The following COX11 variants were observed in gnomAD, a reference collection of about 807,000 sequenced individuals.
The protein encoded by COX11 is cytochrome c oxidase assembly protein COX11, mitochondrial.
Under a neutral mutation model 29.4 loss-of-function variants are expected in COX11, and 18 were observed. The observed-to-expected ratio is 0.61, with a 90% CI of 0.42 to 0.91. The LOEUF (loss-of-function observed/expected upper bound fraction) is 0.91, where lower values mean the gene tolerates loss of function less well. Ranked by LOEUF, COX11 falls within the 40% of genes least tolerant of loss-of-function variation. The pLI, the probability that COX11 is intolerant of heterozygous loss-of-function variation, is 0.00. For missense variants in COX11, 312 were observed against 346.0 expected, an observed-to-expected ratio of 0.90 and a Z score of 0.78; for synonymous variants, 131 against 124.0, an observed-to-expected ratio of 1.06 and a Z score of -0.38.
chr17:54,953,312 T>G (rs117406324), exon 1 of COX11: 1,583 of 152,466 alleles, frequency 0.01, 11 homozygotes, highest in Non-Finnish European at 0.017. Flanking sequence ...GAGGCGGCAG[T>G]GCGCCATGAT....
downstream of COX11, chr17:54,959,365 C>T (rs2077048516): frequency 6.6e-6 from 1 of 152,128 alleles, no homozygotes; most frequent in South Asian, 2.1e-4. Flanking sequence ...CTAATCCCAA[C>T]ATTTTGAGAG....
At chr17:54,953,888 T>C (rs917954485) in exon 1 of COX11, 7 of 152,204 alleles carry the variant, frequency 4.6e-5, no homozygotes, top group Admixed American at 3.3e-4. Context: ...TTTTGGGTCA[T>C]CTGGGTCCCA....
chr17:54,956,603 C>T (rs1041132723), downstream of COX11, among the ~76,000 whole-genome samples: 1 of 152,060 alleles, frequency 6.6e-6, no homozygotes, highest in African/African-American at 2.4e-5. Context: ...GCCACCGTGC[C>T]TAGCCTTTTA....
exon 1 of COX11, chr17:54,954,718 C>T (rs534512113): frequency 1.3e-5 from 2 of 152,352 alleles, no homozygotes; most frequent in South Asian, 4.1e-4. Flanking sequence ...TAGGCCCCCA[C>T]ATGACTGATG....
chr17:54,962,444 G>C lies in COX11; in HGVS notation c.*289C>G. 1 of 1,040,710 alleles carries C rather than the reference G, an allele frequency of 9.6e-7. No homozygotes were observed. Among genetic ancestry groups the C allele is most frequent in the Non-Finnish European group, 1.2e-6 (1 of 867,206 alleles). The allele number at this position is 1,040,710 out of a possible 1,614,324, so 64.5% of individuals were successfully genotyped here. On this transcript the variant is annotated 3_prime_UTR_variant, in exon 4 of 4. Transcript: ENST00000299335. ...ATCTGGAAGGGAATTATGGAATTAA[G>C]CTGAACCCATGCCTGCATATTTAAA... is the stretch of plus-strand genomic sequence containing the variant.
At position 54,962,251 on chromosome 17, in the gene COX11, A is replaced by G. The variant is rs2077143321; in HGVS notation, c.*482T>C. Reference sequence around the variant, plus strand: ...GCTTAGTGACTCCTCTTCTACTTTGAGCTTTTAAAATACTGACTATTCATA... The same window carrying G: ...GCTTAGTGACTCCTCTTCTACTTTGGGCTTTTAAAATACTGACTATTCATA... On this transcript the variant is annotated 3_prime_UTR_variant, in exon 4 of 4. Transcript: ENST00000299335. The G allele has an allele frequency of 2.0e-6, 2 of 985,368 alleles. No individual in the cohort carries two copies. The highest frequency in any genetic ancestry group is 2.4e-6 in the Non-Finnish European group (2 of 829,840). 61.0% of individuals were successfully genotyped at this position (985,368 alleles called of 1,614,324 possible).
At position 54,964,848 on chromosome 17, in the gene COX11, G is replaced by A. The variant is rs1245021615; in HGVS notation, c.371C>T (p.Thr124Ile). Residue 124 changes from threonine to isoleucine, a missense_variant, in exon 2 of 4, where the codon ACT (threonine) becomes ATT (isoleucine). Thr to Ile is a moderately conservative substitution (Grantham distance 89, BLOSUM62 -1). This residue lies in a region of COX11 where 182 missense variants were observed against 240.0 expected (regional missense o/e 0.76). Transcript: ENST00000299335. ...TGCAACTGCTGATCCTCCAAGTCCAGTAGTCTAGAAAAAGATACCAAATAT... is the reference window on the plus strand; with the variant it reads ...TGCAACTGCTGATCCTCCAAGTCCAATAGTCTAGAAAAAGATACCAAATAT... The part of the protein sequence containing the change: ...VPLYRLYCQT[T>I]GLGGSAVAGH... The A allele has an allele frequency of 6.8e-6, 11 of 1,611,928 alleles. No individual in the cohort carries two copies. The highest frequency in any genetic ancestry group is 1.7e-5 in the Admixed American group (1 of 59,834).
At chr17:54,966,713 G>A (rs1424168255) in intron 1 of COX11, among the ~76,000 whole-genome samples, 1 of 152,160 alleles carries the variant, frequency 6.6e-6, no homozygotes, top group African/African-American at 2.4e-5. Flanking sequence ...TTAACCAACT[G>A]GTAGTTTTAG....
In COX11 at chr17:54,960,668, A is replaced by G; in HGVS notation, c.*2065T>C. ...TATACAACTTAATTCCATATTCCAT[A>G]TAATTTCAGTATAATTATCACTTTA... On this transcript the variant is annotated 3_prime_UTR_variant, in exon 4 of 4. Transcript: ENST00000299335. 11 of 1,418,642 alleles carry G rather than the reference A, an allele frequency of 7.8e-6. No homozygotes were observed. Among genetic ancestry groups the G allele is most frequent in the Non-Finnish European group, 1.1e-5 (11 of 1,003,940 alleles). 87.9% of individuals were successfully genotyped at this position (1,418,642 alleles called of 1,614,324 possible).
At chr17:54,967,040 G>GCACACACA (rs1491115527) in intron 1 of COX11, among the ~76,000 whole-genome samples, 1 of 38,448 alleles carries the variant, frequency 2.6e-5, no homozygotes, top group African/African-American at 5.4e-5. Flanking sequence ...GTGCGCGCGC[G>GCACACACA]CGCACACACA....
rs1162290236 is a variant in COX11, at chr17:54,961,701, G to C, written c.*1032C>G. On this transcript the variant is annotated 3_prime_UTR_variant, in exon 4 of 4. Coordinates refer to ENST00000299335, the MANE Select transcript of COX11 (RefSeq NM_004375.5). Reference sequence around the variant, plus strand: ...TAAAGTTGAATGTAAAAGTCAATTTGCACTTCTTTATAATCCTCTGGTTTA... The same window carrying C: ...TAAAGTTGAATGTAAAAGTCAATTTCCACTTCTTTATAATCCTCTGGTTTA... 9.6e-7 allele frequency: 1 copy of C among 1,041,464 alleles called. No individual in the cohort carries two copies. The highest frequency in any genetic ancestry group is 1.2e-6 in the Non-Finnish European group (1 of 865,426). 64.5% of individuals were successfully genotyped at this position (1,041,464 alleles called of 1,614,324 possible).
chr17:54,959,850 C>G (rs1206138670), downstream of COX11, among the ~76,000 whole-genome samples: 1 of 152,072 alleles, frequency 6.6e-6, no homozygotes, highest in East Asian at 1.9e-4. Context: ...ATCCTGGACT[C>G]AAGCGATCCA....
At chr17:54,968,236 C>A (rs1381902237) in intron 1 of COX11, 45 bp downstream of exon 1, 1 of 1,586,160 alleles carries the variant, frequency 6.3e-7, no homozygotes, top group Non-Finnish European at 8.5e-7. Context: ...CTTGCACCCC[C>A]ACCTCTCGCG....
At position 54,968,293 on chromosome 17, in the gene COX11, C is replaced by T. The variant is rs115127012; in HGVS notation, c.354G>A (p.Arg118=). Residue 118 remains arginine, a synonymous_variant, in exon 1 of 4, where the codon CGG becomes CGA. Coordinates refer to ENST00000299335, the MANE Select transcript of COX11 (RefSeq NM_004375.5). ...CGCCGGCCCCTACCTGGCAATAGAG[C>T]CGATAAAGGGGTACGGCAGCGTAGG... ...GASYAAVPLY[R]LYCQTTGLGG... The T allele has an allele frequency of 1.1e-3, 1,757 of 1,612,206 alleles. 21 individuals are homozygous for T. In the African/African-American group the frequency reaches 0.02, roughly 18 times the overall value.
downstream of COX11, chr17:54,958,144 A>G (rs576395777): frequency 2.6e-5 from 4 of 152,346 alleles, no homozygotes; most frequent in African/African-American, 9.6e-5. Flanking sequence ...AAATGCTAAA[A>G]CCAAGAGTAA....
chr17:54,963,442 G>C lies in COX11; in HGVS notation c.523-11C>G. The C allele has an allele frequency of 1.2e-6, 2 of 1,601,938 alleles. No homozygotes were observed. The highest frequency in any genetic ancestry group is 1.7e-6 in the Non-Finnish European group (2 of 1,176,066). On this transcript the variant is annotated splice_polypyrimidine_tract_variant and intron_variant, in intron 2 of 3. Coordinates refer to ENST00000299335, the MANE Select transcript of COX11 (RefSeq NM_004375.5). The stretch of plus-strand genomic sequence containing the variant: ...CTCTCCTGGCACCACCTGTTTTAAA[G>C]AATATATATATTATCAATACTTTGA...
chr17:54,961,370 G>C lies in COX11; in HGVS notation c.*1363C>G. 6.4e-7 allele frequency: 1 copy of C among 1,550,830 alleles called. No individual in the cohort carries two copies. Among genetic ancestry groups the C allele is most frequent in the Non-Finnish European group, 8.7e-7 (1 of 1,146,636 alleles). On this transcript the variant is annotated 3_prime_UTR_variant, in exon 4 of 4. Transcript: ENST00000299335. ...CATGGTGGCACATTTCTGCTATAAT[G>C]AAGATTAAATAGAATAACAGTTCCA...
intron 3 of COX11, 37 bp from the exon 4 acceptor site, chr17:54,962,952 T>C (rs1348068876): frequency 6.5e-7 from 1 of 1,546,164 alleles, no homozygotes; most frequent in Non-Finnish European, 8.9e-7. Context: ...ACATTTCTAT[T>C]CTCGTATTAC....
chr17:54,966,482 A>C (rs907774719), intron 1 of COX11, among the ~76,000 whole-genome samples: 2 of 152,150 alleles, frequency 1.3e-5, no homozygotes, highest in African/African-American at 4.8e-5. Flanking sequence ...GGGCTGAATA[A>C]TTTTTTGTTG....
Sources: gnomAD v4.1 joint callset for allele counts (sites outside exome capture counted in the v4.1 genomes callset) on GRCh38, gnomAD v4.1.1 for gene constraint, gnomAD v4.1.1 regional missense constraint, MANE v1.5 for transcripts, NCBI Gene and HGNC (gene_info 2026-07-23, HGNC 2026-07-21) for gene names.